The following FGD4 variants were observed in gnomAD, a reference collection of about 807,000 sequenced individuals.
The protein encoded by FGD4 is FYVE, RhoGEF and PH domain containing 4.
In FGD4, 42 loss-of-function variants were observed where a neutral mutation model predicts 102.0. The observed-to-expected ratio is 0.41, with a 90% CI of 0.32 to 0.53. The LOEUF (loss-of-function observed/expected upper bound fraction) is 0.53, where lower values mean the gene tolerates loss of function less well. FGD4 is among the 20% of genes least tolerant of loss of function. The probability of loss-of-function intolerance (pLI) is 0.21; values close to 1 mark genes in which losing one functional copy is unlikely to be tolerated. For missense variants in FGD4, 902 were observed against 1,078.2 expected, an observed-to-expected ratio of 0.84 and a Z score of 2.29; for synonymous variants, 380 against 375.7, an observed-to-expected ratio of 1.01 and a Z score of -0.13.
chr12:32,552,267 G>C (rs1417812684), intron 1 of FGD4, among the ~76,000 whole-genome samples: 1 of 151,920 alleles, frequency 6.6e-6, no homozygotes, highest in Non-Finnish European at 1.5e-5. Flanking sequence ...TTGTTTCTTT[G>C]TTTGTTTTTT....
rs374150424 is a variant in FGD4 at position 32,625,078 on chromosome 12, A to G, written c.2046+10A>G. ...TCACTCAGAGGTTTCTGTGAGTTGA[A>G]TTAAATTCTTAACTTCAACCTCTTT... is the stretch of plus-strand genomic sequence containing the variant. On this transcript the variant is annotated intron_variant, in intron 13 of 16. Coordinates refer to ENST00000534526, the MANE Select transcript of FGD4 (RefSeq NM_001370298.3). The G allele has an allele frequency of 5.0e-6, 8 of 1,606,530 alleles. No homozygotes were observed. In the African/African-American group the frequency reaches 1.1e-4, roughly 21 times the overall value.
chr12:32,530,941 GTTTTTTTTT>G (rs768536136), intron 1 of FGD4, among the ~76,000 whole-genome samples: 3 of 70,478 alleles, frequency 4.3e-5, no homozygotes, highest in Non-Finnish European at 7.4e-5. Flanking sequence ...CCTAGCTTTG[GTTTTTTTTT>G]TTTTTTTTTT....
chr12:32,624,948 T>G (rs1950059363), intron 12 of FGD4, 28 bp from the exon 13 acceptor site: 8 of 1,576,368 alleles, frequency 5.1e-6, no homozygotes, highest in Middle Eastern at 3.3e-4. Flanking sequence ...AACTTTAATG[T>G]GTGCTTTGAA....
chr12:32,408,836 A>G (rs367968163), intron 1 of FGD4, among the ~76,000 whole-genome samples: 1 of 152,108 alleles, frequency 6.6e-6, no homozygotes, highest in Admixed American at 6.5e-5. Context: ...CTTGGTTCTG[A>G]TGACCTGAGA....
intron 5 of FGD4, among the ~76,000 whole-genome samples, chr12:32,599,717 T>G (rs76225147): frequency 0.19 from 27,673 of 149,244 alleles, 2,583 homozygotes; most frequent in Middle Eastern, 0.28. Flanking sequence ...CCCGGCTAAT[T>G]TTTTCTGTCT....
At chr12:32,582,614 T>C in intron 4 of FGD4, 147 bp downstream of exon 4, 1 of 1,005,010 alleles carries the variant, frequency 1.0e-6, no homozygotes, top group South Asian at 1.4e-5. Context: ...GGCTGCTGAT[T>C]AGCATTTCCC....
At chr12:32,503,339 T>G (rs2136630992) in intron 1 of FGD4, among the ~76,000 whole-genome samples, 1 of 152,332 alleles carries the variant, frequency 6.6e-6, no homozygotes, top group East Asian at 1.9e-4. Flanking sequence ...TCTTTCTGAT[T>G]GTGCTGTGCT....
At chr12:32,485,402 CT>C (rs1943865057) in intron 1 of FGD4, among the ~76,000 whole-genome samples, 1 of 148,292 alleles carries the variant, frequency 6.7e-6, no homozygotes, top group Non-Finnish European at 1.5e-5. Context: ...TTTCTGATGT[CT>C]GTCAAAAAGA....
At chr12:32,482,517 A>C (rs1231260045) in intron 1 of FGD4, among the ~76,000 whole-genome samples, 1 of 152,236 alleles carries the variant, frequency 6.6e-6, no homozygotes, top group East Asian at 1.9e-4. Flanking sequence ...TAAGCAAATT[A>C]AGATAAAAGC....
intron 2 of FGD4, chr12:32,574,804 C>G (rs1220592583): frequency 1.3e-5 from 2 of 152,072 alleles, no homozygotes; most frequent in Admixed American, 1.3e-4. Flanking sequence ...ACCAGGGGAA[C>G]CAGCTGGGGG....
intron 1 of FGD4, among the ~76,000 whole-genome samples, chr12:32,481,118 A>G (rs973374950): frequency 9.8e-6 from 1 of 102,346 alleles, no homozygotes; most frequent in Non-Finnish European, 1.9e-5. Flanking sequence ...ACAGAGTGAG[A>G]CTCCGTCTCA....
At chr12:32,511,367 A>C (rs1056003152) in intron 1 of FGD4, 1 of 152,500 alleles carries the variant, frequency 6.6e-6, no homozygotes, top group African/African-American at 2.4e-5. Context: ...GCTGGAGTGC[A>C]GTGGCGCGAT....
intron 5 of FGD4, among the ~76,000 whole-genome samples, chr12:32,600,877 T>C (rs1360427714): frequency 1.3e-5 from 2 of 152,072 alleles, no homozygotes; most frequent in Non-Finnish European, 2.9e-5. Flanking sequence ...ATGTAATAAG[T>C]GAAGAAGTCT....
At chr12:32,511,998 A>G (rs572145319) in intron 1 of FGD4, 1 of 152,178 alleles carries the variant, frequency 6.6e-6, no homozygotes, top group Non-Finnish European at 1.5e-5. Context: ...TAGATGTAAA[A>G]TTATTACTAT....
intron 1 of FGD4, among the ~76,000 whole-genome samples, chr12:32,419,228 C>T (rs532843052): frequency 1.0e-3 from 153 of 152,262 alleles, no homozygotes; most frequent in African/African-American, 3.4e-3. Context: ...CAGAGAGTCT[C>T]CTTTATTTTC....
At chr12:32,562,227 A>C (rs1285354194) in intron 1 of FGD4, among the ~76,000 whole-genome samples, 3 of 152,170 alleles carry the variant, frequency 2.0e-5, no homozygotes, top group African/African-American at 7.2e-5. Context: ...GTGGCCCTGC[A>C]AGGAGAGGAG....
intron 4 of FGD4, among the ~76,000 whole-genome samples, chr12:32,587,328 T>C (rs1175731102): frequency 6.6e-6 from 1 of 152,126 alleles, no homozygotes; most frequent in Admixed American, 6.6e-5. Context: ...ACATCACTTT[T>C]TTTGTAATTA....
At chr12:32,423,730 A>G (rs1279504104) in intron 1 of FGD4, among the ~76,000 whole-genome samples, 2 of 152,056 alleles carry the variant, frequency 1.3e-5, no homozygotes, top group Non-Finnish European at 2.9e-5. Context: ...GGGATGCATT[A>G]TTCATGAGTT....
chr12:32,482,866 A>G (rs534819066), intron 1 of FGD4, among the ~76,000 whole-genome samples: 72 of 152,342 alleles, frequency 4.7e-4, no homozygotes, highest in African/African-American at 1.6e-3. Flanking sequence ...CAGGATTTGC[A>G]TTCCAGACCT....
Sources: gnomAD v4.1 joint callset for allele counts (sites outside exome capture counted in the v4.1 genomes callset) on GRCh38, gnomAD v4.1.1 for gene constraint, MANE v1.5 for transcripts, NCBI Gene and HGNC (gene_info 2026-07-23, HGNC 2026-07-21) for gene names.